FLT3LG: variants seen among roughly 807,000 people sequenced by gnomAD.
The protein encoded by FLT3LG is fms-related tyrosine kinase 3 ligand.
Under a neutral mutation model 30.9 loss-of-function variants are expected in FLT3LG, and 8 were observed. That is an observed-to-expected ratio of 0.26 (90% CI 0.15 to 0.47). The LOEUF (loss-of-function observed/expected upper bound fraction) is 0.47, where lower values mean the gene tolerates loss of function less well. Among genes scored for constraint, FLT3LG ranks in the 20% least tolerant of loss-of-function variants. The pLI is 0.99. For synonymous variants in FLT3LG, 123 were observed against 135.9 expected (o/e 0.91, Z 0.66); for missense variants, 278 against 306.2 (o/e 0.91, Z 0.69).
chr19:49,475,577 A>AG, intron 2 of FLT3LG, 114 bp from the exon 3 acceptor site: 3 of 1,364,284 alleles, frequency 2.2e-6, no homozygotes, highest in Non-Finnish European at 2.9e-6. Flanking sequence ...AAGAGGCAGA[A>AG]GGACACCCAG....
chr19:49,475,693 C>T lies in FLT3LG; in HGVS notation c.36C>T (p.Thr12=). 1 of 1,605,304 alleles carries T rather than the reference C, an allele frequency of 6.2e-7. No homozygotes were observed. The highest frequency in any genetic ancestry group is 8.5e-7 in the Non-Finnish European group (1 of 1,179,762). The change falls in exon 3 of 9, where the codon ACC becomes ACT. Residue 12 remains threonine (T), a splice_region_variant and synonymous_variant. Coordinates refer to ENST00000597551, the MANE Select transcript of FLT3LG (RefSeq NM_001459.4). ...CCCCAGCACCCGCTCCCCTGCAGAC[C>T]TATCTCCTCCTGCTGCTGCTGCTGA... ...TVLAPAWSPT[T]YLLLLLLLSS... is the part of the protein sequence containing the mutation.
chr19:49,479,656 C>T, intron 6 of FLT3LG: 1 of 215,732 alleles, frequency 4.6e-6, no homozygotes, highest in South Asian at 4.0e-5. Flanking sequence ...CGCCTGCCAC[C>T]TCACGCGGCT....
rs751476177 is a variant in FLT3LG at position 49,474,607 on chromosome 19, G to A, written c.-33G>A. ...TGTTCTTCTGTCCCTTCCAAGACCC[G>A]GCGACAGGAGGCATGAGGGGCCCCC... is the stretch of plus-strand genomic sequence containing the variant. On this transcript the variant is annotated 5_prime_UTR_variant, in exon 2 of 9. Transcript: ENST00000597551. The A allele has an allele frequency of 1.6e-5, 26 of 1,611,424 alleles. No homozygotes were observed. Among genetic ancestry groups the A allele is most frequent in the Middle Eastern group, 1.7e-4 (1 of 6,022 alleles).
intron 8 of FLT3LG, among the ~76,000 whole-genome samples, chr19:49,484,062 T>TTA (rs1178354768): frequency 9.9e-5 from 15 of 151,002 alleles, no homozygotes; most frequent in African/African-American, 2.7e-4. Flanking sequence ...TTTTTGTATT[T>TTA]TTAGTAGAGG....
chr19:49,474,739 A>G, intron 2 of FLT3LG, 67 bp downstream of exon 2: 2 of 1,525,800 alleles, frequency 1.3e-6, no homozygotes, highest in Non-Finnish European at 1.8e-6. Context: ...GGCAGAGATG[A>G]GGGGAGATGG....
intron 2 of FLT3LG, 93 bp from the exon 3 acceptor site, chr19:49,475,598 G>A (rs114700779): frequency 6.8e-7 from 1 of 1,467,520 alleles, no homozygotes; most frequent in Non-Finnish European, 9.1e-7. Flanking sequence ...GGAAGGAGGA[G>A]CGGGGAAGAC....
At chr19:49,484,964 A>T (rs559600254) in intron 8 of FLT3LG, among the ~76,000 whole-genome samples, 12 of 152,054 alleles carry the variant, frequency 7.9e-5, no homozygotes, top group Non-Finnish European at 1.5e-4. Context: ...GTGCACCCGT[A>T]ATCCCAGCTA....
At chr19:49,475,390 C>T (rs1214386260) in intron 2 of FLT3LG, among the ~76,000 whole-genome samples, 1 of 145,016 alleles carries the variant, frequency 6.9e-6, no homozygotes, top group African/African-American at 2.6e-5. Flanking sequence ...TGGAGGAACC[C>T]GGGCGAGGAA....
At chr19:49,475,492 G>C (rs890965266) in intron 2 of FLT3LG, among the ~76,000 whole-genome samples, 199 bp from the exon 3 acceptor site, 3 of 151,950 alleles carry the variant, frequency 2.0e-5, no homozygotes, top group Non-Finnish European at 4.4e-5. Flanking sequence ...ATGCAAACTG[G>C]ACAGCATTGG....
chr19:49,480,344 C>T lies in FLT3LG; in HGVS notation c.528C>T (p.Ala176=), dbSNP rs1568674710. ...CATGGAGTCCCCGGCCCCTGGAGGCCACAGCCCCGACAGCCCCGCAGCCCC... is the reference window on the plus strand; with the variant it reads ...CATGGAGTCCCCGGCCCCTGGAGGCTACAGCCCCGACAGCCCCGCAGCCCC... ...PPPWSPRPLE[A]TAPTAPQPPL... Residue 176 remains alanine (A), a synonymous_variant, in exon 7 of 9, where the codon GCC becomes GCT. Transcript: ENST00000597551. 1.9e-6 allele frequency: 3 copies of T among 1,610,306 alleles called. No homozygotes were observed. The highest frequency in any genetic ancestry group is 2.2e-4 in the Middle Eastern group (1 of 4,596).
chr19:49,478,796 C>A, intron 5 of FLT3LG, 113 bp from the exon 6 acceptor site: 4 of 942,306 alleles, frequency 4.2e-6, no homozygotes, highest in Non-Finnish European at 4.4e-6. Context: ...ACTCTGAGAG[C>A]CAGAGCTCAC....
Position 49,483,654 on chromosome 19 carries a change from C to G in FLT3LG, c.*22-2361C>G, listed in dbSNP as rs766785075. Among the ~76,000 whole-genome samples the G allele has an allele frequency of 2.0e-5, 3 of 151,280 alleles. No individual in the cohort carries two copies. In the East Asian group the frequency reaches 5.9e-4, roughly 30 times the overall value. On this transcript the variant is annotated intron_variant, in intron 8 of 8. Coordinates refer to ENST00000597551, the MANE Select transcript of FLT3LG (RefSeq NM_001459.4). ...GGAGGATTGCTTGAGCCCAGGAGGT[C>G]GAGGCTGCAGTGAGCCCTGATTGTG...
At position 49,476,379 on chromosome 19, in the gene FLT3LG, C is replaced by T. The variant is rs1346421233; in HGVS notation, c.199-44C>T. On this transcript the variant is annotated intron_variant, in intron 4 of 8. Coordinates refer to ENST00000597551, the MANE Select transcript of FLT3LG (RefSeq NM_001459.4). This position sits in a 1 kb window ranked among gnomAD's most constrained non-coding sequence, Gnocchi z 5.3. ...CCCTCCTCCCTCAGACCCAGCAGCCCCGTGCCCAGCTCCTCCCTCAGACCC... is the reference window on the plus strand; with the variant it reads ...CCCTCCTCCCTCAGACCCAGCAGCCTCGTGCCCAGCTCCTCCCTCAGACCC... 2 of 1,588,252 alleles carry T rather than the reference C, an allele frequency of 1.3e-6. No individual in the cohort carries two copies. Among genetic ancestry groups the T allele is most frequent in the Non-Finnish European group, 1.7e-6 (2 of 1,165,374 alleles).
In FLT3LG at chr19:49,475,703, C is replaced by T. The variant is rs372504451; in HGVS notation, c.46C>T (p.Leu16=). Residue 16 remains leucine (L), a synonymous_variant, in exon 3 of 9, where the codon CTG becomes TTG. Transcript: ENST00000597551. The part of the protein sequence containing the change: ...PAWSPTTYLL[L]LLLLSSGLSG... ...CGCTCCCCTGCAGACCTATCTCCTCCTGCTGCTGCTGCTGAGCTCGGGACT... is the reference window on the plus strand; with the variant it reads ...CGCTCCCCTGCAGACCTATCTCCTCTTGCTGCTGCTGCTGAGCTCGGGACT... 1.6e-5 allele frequency: 25 copies of T among 1,563,806 alleles called. No individual in the cohort carries two copies. In the Admixed American group the frequency reaches 1.7e-4, roughly 11 times the overall value.
At chr19:49,475,984 G>T (rs2079380864) in intron 3 of FLT3LG, 161 bp from the exon 4 acceptor site, 3 of 993,028 alleles carry the variant, frequency 3.0e-6, no homozygotes, top group Admixed American at 3.6e-5. Context: ...CTGTGCTTAG[G>T]GGTGTCATCC....
chr19:49,484,264 G>A (rs533309938), intron 8 of FLT3LG, among the ~76,000 whole-genome samples: 6 of 136,844 alleles, frequency 4.4e-5, no homozygotes, highest in Non-Finnish European at 9.5e-5. Context: ...TCTGTTTCCT[G>A]TCTTAAATTT....
chr19:49,476,590 A>C lies in FLT3LG; in HGVS notation c.342+24A>C, dbSNP rs200833992. On this transcript the variant is annotated intron_variant, in intron 5 of 8. Transcript: ENST00000597551. The surrounding 1 kb of genome is among the most constrained non-coding windows in gnomAD (Gnocchi z 5.3). ...AGGTCAGCCCTCAACTTAGGGGACA[A>C]GTGAGGGGAGGGAGATGCCTTCCTA... The C allele has an allele frequency of 1.4e-5, 23 of 1,613,450 alleles. No homozygotes were observed. Among genetic ancestry groups the C allele is most frequent in the Non-Finnish European group, 1.9e-5 (23 of 1,179,788 alleles).
intron 8 of FLT3LG, among the ~76,000 whole-genome samples, chr19:49,485,248 CTT>C (rs55877586): frequency 2.0e-4 from 24 of 121,822 alleles, no homozygotes; most frequent in Admixed American, 4.1e-4. Context: ...TCTTTTTTTT[CTT>C]TTTTTTTTTT....
In FLT3LG at chr19:49,476,148, G is replaced by C; in HGVS notation, c.148G>C (p.Asp50His). The C allele has an allele frequency of 6.2e-7, 1 of 1,613,826 alleles. No homozygotes were observed. The highest frequency in any genetic ancestry group is 8.5e-7 in the Non-Finnish European group (1 of 1,180,004). The change falls in exon 4 of 9, where the codon GAC (aspartate) becomes CAC (histidine). Residue 50 changes from aspartate to histidine, a missense_variant. Transcript: ENST00000597551. The surrounding 1 kb of genome is among the most constrained non-coding windows in gnomAD (Gnocchi z 5.3). ...CTGATCCTGTTTTCTCCCGCAGTCT[G>C]ACTACCTGCTTCAAGATTACCCAGT... ...DFAVKIRELS[D>H]YLLQDYPVTV... is the part of the protein sequence containing the mutation.
Sources: allele counts gnomAD v4.1 joint callset (sites outside exome capture counted in the v4.1 genomes callset), GRCh38; gene constraint gnomAD v4.1.1; non-coding constraint Gnocchi (gnomAD v3.1); transcripts MANE v1.5; gene names NCBI Gene and HGNC (gene_info 2026-07-23, HGNC 2026-07-21).